The following CDC42SE2 variants were observed in gnomAD, a reference collection of about 807,000 sequenced individuals.
CDC42SE2 encodes CDC42 small effector protein 2.
Under a neutral mutation model 11.5 loss-of-function variants are expected in CDC42SE2, and 3 were observed. That is an observed-to-expected ratio of 0.26 (90% CI 0.12 to 0.67). The LOEUF (loss-of-function observed/expected upper bound fraction) is 0.67, where lower values mean the gene tolerates loss of function less well. CDC42SE2 is among the 30% of genes least tolerant of loss of function. CDC42SE2 has a pLI of 0.80. For synonymous variants in CDC42SE2, 33 were observed against 34.8 expected, an observed-to-expected ratio of 0.95 and a Z score of 0.18; for missense variants, 82 against 106.8, an observed-to-expected ratio of 0.77 and a Z score of 1.02.
chr5:131,285,452 T>C (rs1399846085), intron 1 of CDC42SE2, among the ~76,000 whole-genome samples: 1 of 152,250 alleles, frequency 6.6e-6, no homozygotes, highest in African/African-American at 2.4e-5. Flanking sequence ...TTTCTGACTA[T>C]GGCTAAGAGA....
At chr5:131,352,521 A>G (rs949335354) in intron 2 of CDC42SE2, among the ~76,000 whole-genome samples, 5 of 152,202 alleles carry the variant, frequency 3.3e-5, no homozygotes, top group Admixed American at 2.0e-4. Flanking sequence ...TAAGGAAAAA[A>G]TTAACCCTCA....
chr5:131,275,932 T>C (rs1289617063), intron 1 of CDC42SE2, among the ~76,000 whole-genome samples: 1 of 152,006 alleles, frequency 6.6e-6, no homozygotes, highest in African/African-American at 2.4e-5. Context: ...GCAGCTACAA[T>C]AATGTACACA....
the CDC42SE2 span, among the ~76,000 whole-genome samples, chr5:131,228,289 C>A: frequency 6.6e-6 from 1 of 152,094 alleles, no homozygotes; most frequent in Non-Finnish European, 1.5e-5. Context: ...ATAGCTTGAG[C>A]CCAGGAAGTT....
Position 131,392,407 on chromosome 5 carries a change from G to A in CDC42SE2, c.*1316G>A, listed in dbSNP as rs368452482. On this transcript the variant is annotated 3_prime_UTR_variant, in exon 5 of 5. Transcript: ENST00000505065. ...TGCCAGAAATTAACATTTCTTTGCTGCCATGGGCTGATGATGCTGCTATTA... is the reference window on the plus strand; with the variant it reads ...TGCCAGAAATTAACATTTCTTTGCTACCATGGGCTGATGATGCTGCTATTA... The A allele has an allele frequency of 6.3e-4, 96 of 152,854 alleles. No individual in the cohort carries two copies. The highest frequency in any genetic ancestry group is 2.3e-3 in the African/African-American group (95 of 41,550). The allele number at this position is 152,854 out of a possible 1,614,324, so 9.5% of individuals were successfully genotyped here.
chr5:131,228,217 A>G, the CDC42SE2 span, among the ~76,000 whole-genome samples: 4 of 151,394 alleles, frequency 2.6e-5, no homozygotes, highest in African/African-American at 9.7e-5. Flanking sequence ...AAAAAAAAAA[A>G]TTATCCAGGT....
chr5:131,221,409 C>T, the CDC42SE2 span, among the ~76,000 whole-genome samples: 10 of 151,936 alleles, frequency 6.6e-5, no homozygotes, highest in East Asian at 1.4e-3. Context: ...AAAGATTGGA[C>T]ACCCCTGCTT....
At chr5:131,330,506 A>C (rs1305927591) in intron 2 of CDC42SE2, among the ~76,000 whole-genome samples, 1 of 151,924 alleles carries the variant, frequency 6.6e-6, no homozygotes, top group Non-Finnish European at 1.5e-5. Flanking sequence ...GATATCATGT[A>C]CTTCTTTTTC....
chr5:131,389,258 A>G (rs575640807), intron 4 of CDC42SE2, among the ~76,000 whole-genome samples: 8 of 152,360 alleles, frequency 5.3e-5, no homozygotes, highest in African/African-American at 7.2e-5. Context: ...ATAAAGGGGA[A>G]GATGACGAAT....
At chr5:131,361,679 G>T (rs1167189727) in intron 3 of CDC42SE2, among the ~76,000 whole-genome samples, 1 of 152,150 alleles carries the variant, frequency 6.6e-6, no homozygotes, top group African/African-American at 2.4e-5. Context: ...TCACACGTGG[G>T]CTTGGAGAAG....
the CDC42SE2 span, among the ~76,000 whole-genome samples, chr5:131,212,872 A>G: frequency 1.3e-5 from 2 of 152,210 alleles, no homozygotes; most frequent in Non-Finnish European, 2.9e-5. Context: ...AATGACCATG[A>G]TAGACCAGCA....
chr5:131,393,059 T>A lies in CDC42SE2; in HGVS notation c.*1968T>A, dbSNP rs1221436105. 1 of 152,372 alleles carries A rather than the reference T, an allele frequency of 6.6e-6. No individual in the cohort carries two copies. Among genetic ancestry groups the A allele is most frequent in the African/African-American group, 2.4e-5 (1 of 41,454 alleles). The allele number at this position is 152,372 out of a possible 1,614,324, so 9.4% of individuals were successfully genotyped here. A position where few individuals can be genotyped will look rare whatever the true frequency, so the allele number is the denominator to read the frequency against. On this transcript the variant is annotated 3_prime_UTR_variant, in exon 5 of 5. Coordinates refer to ENST00000505065, the MANE Select transcript of CDC42SE2 (RefSeq NM_001375635.1). ...TCTTCTTTTCTGTTAGAGTGTGGTGTTAAGCCAGAGTCAGTGGTTTGTGTT... is the reference window on the plus strand; with the variant it reads ...TCTTCTTTTCTGTTAGAGTGTGGTGATAAGCCAGAGTCAGTGGTTTGTGTT...
chr5:131,281,411 A>G (rs1757236076), intron 1 of CDC42SE2, among the ~76,000 whole-genome samples: 1 of 152,198 alleles, frequency 6.6e-6, no homozygotes, highest in Non-Finnish European at 1.5e-5. Flanking sequence ...CAGCCCCTAA[A>G]GAAGTGTTTT....
chr5:131,238,098 T>C, the CDC42SE2 span, among the ~76,000 whole-genome samples: 1 of 80 alleles, frequency 0.013, no homozygotes, highest in Admixed American at 0.12. Context: ...CAATAGTATT[T>C]TTCATCCTTT....
At chr5:131,283,790 G>C (rs1033306985) in intron 1 of CDC42SE2, among the ~76,000 whole-genome samples, 1 of 152,168 alleles carries the variant, frequency 6.6e-6, no homozygotes, top group African/African-American at 2.4e-5. Context: ...ACTGCGCCAG[G>C]CCCATCATTC....
intron 1 of CDC42SE2, among the ~76,000 whole-genome samples, chr5:131,308,189 T>A (rs2149721565): frequency 6.6e-6 from 1 of 152,294 alleles, no homozygotes; most frequent in East Asian, 1.9e-4. Context: ...CAGCACCATT[T>A]ATTAAATAGG....
intron 2 of CDC42SE2, among the ~76,000 whole-genome samples, chr5:131,349,182 A>T (rs1364391719): frequency 4.6e-5 from 7 of 152,148 alleles, no homozygotes; most frequent in Admixed American, 2.0e-4. Context: ...GGATGAGTTC[A>T]TATCCTTTGT....
chr5:131,317,757 A>C (rs1758071194), intron 2 of CDC42SE2, among the ~76,000 whole-genome samples: 1 of 151,922 alleles, frequency 6.6e-6, no homozygotes, highest in Admixed American at 6.6e-5. Context: ...TGTTACTTTC[A>C]GTTATGGTAA....
intron 4 of CDC42SE2, among the ~76,000 whole-genome samples, 199 bp from the exon 5 acceptor site, chr5:131,390,794 C>A (rs2149791977): frequency 6.6e-6 from 1 of 151,988 alleles, no homozygotes; most frequent in Non-Finnish European, 1.5e-5. Flanking sequence ...GGGGTTTTTG[C>A]AAAAAATGTT....
chr5:131,240,365 C>T, the CDC42SE2 span, among the ~76,000 whole-genome samples: 3 of 152,058 alleles, frequency 2.0e-5, no homozygotes, highest in Non-Finnish European at 4.4e-5. Flanking sequence ...ATCTACTGTC[C>T]ATTTGTTTTA....
Sources: gnomAD v4.1 joint callset for allele counts (sites outside exome capture counted in the v4.1 genomes callset) on GRCh38, gnomAD v4.1.1 for gene constraint, MANE v1.5 for transcripts, NCBI Gene and HGNC (gene_info 2026-07-23, HGNC 2026-07-21) for gene names.